The following MAGI2 variants were observed in gnomAD, a reference collection of about 807,000 sequenced individuals.
MAGI2 encodes membrane-associated guanylate kinase, WW and PDZ domain-containing protein 2.
In MAGI2, 35 loss-of-function variants were observed where a neutral mutation model predicts 133.3. The ratio of observed to expected loss-of-function variants is 0.26; its 90% CI spans 0.20 to 0.35. The LOEUF (loss-of-function observed/expected upper bound fraction) is 0.35. MAGI2 is among the 10% of genes least tolerant of loss of function. The probability of loss-of-function intolerance (pLI) is 1.00; values close to 1 mark genes in which losing one functional copy is unlikely to be tolerated. For synonymous variants in MAGI2, 729 were observed against 710.6 expected, an observed-to-expected ratio of 1.03 and a Z score of -0.41; for missense variants, 1,636 against 1,863.4, an observed-to-expected ratio of 0.88 and a Z score of 2.25.
intron 2 of MAGI2, among the ~76,000 whole-genome samples, chr7:78,805,807 G>A (rs376910896): frequency 9.2e-5 from 14 of 152,126 alleles, no homozygotes; most frequent in Admixed American, 3.9e-4. Flanking sequence ...GAACAGCAGG[G>A]AATGGAGGTC....
At chr7:79,236,597 T>C (rs1429248071) in intron 1 of MAGI2, among the ~76,000 whole-genome samples, 1 of 152,234 alleles carries the variant, frequency 6.6e-6, no homozygotes, top group East Asian at 1.9e-4. Context: ...TTTAATGTCT[T>C]TAGACCTCAT....
chr7:78,536,450 G>A (rs1330261406), intron 3 of MAGI2, among the ~76,000 whole-genome samples: 1 of 152,120 alleles, frequency 6.6e-6, no homozygotes, highest in Non-Finnish European at 1.5e-5. Flanking sequence ...GTCTTGATAA[G>A]TTGGCCTTGT....
chr7:78,676,855 C>T (rs10279670), intron 2 of MAGI2, among the ~76,000 whole-genome samples: 18,911 of 151,992 alleles, frequency 0.12, 1,442 homozygotes, highest in African/African-American at 0.2. Flanking sequence ...TATTTAATAG[C>T]TGCTTTCTTG....
chr7:79,206,032 A>G (rs1014309731), intron 1 of MAGI2, among the ~76,000 whole-genome samples: 8 of 151,672 alleles, frequency 5.3e-5, no homozygotes, highest in Admixed American at 6.6e-5. Flanking sequence ...GAGATATATG[A>G]AAATGGAAAC....
intron 1 of MAGI2, among the ~76,000 whole-genome samples, chr7:79,161,423 T>C (rs748621882): frequency 3.9e-5 from 6 of 152,056 alleles, no homozygotes; most frequent in Non-Finnish European, 8.8e-5. Context: ...ATGACTGAAC[T>C]AGAGAATTTC....
intron 3 of MAGI2, 51 bp from the exon 4 acceptor site, chr7:78,521,696 T>C: frequency 6.7e-7 from 1 of 1,495,096 alleles, no homozygotes; most frequent in East Asian, 2.3e-5. Context: ...TTCTACCATG[T>C]ACATAATTTG....
intron 15 of MAGI2, among the ~76,000 whole-genome samples, chr7:78,167,277 A>G (rs1285613246): frequency 6.6e-6 from 1 of 152,220 alleles, no homozygotes; most frequent in Non-Finnish European, 1.5e-5. Flanking sequence ...TGGTAAAGAG[A>G]GATAAGTGGA....
chr7:79,352,541 G>C (rs1173973737), intron 1 of MAGI2, among the ~76,000 whole-genome samples: 1 of 152,210 alleles, frequency 6.6e-6, no homozygotes, highest in African/African-American at 2.4e-5. Flanking sequence ...AGAAGCATGA[G>C]GGGGAAGGTG....
At chr7:78,753,405 C>T (rs1300172125) in intron 2 of MAGI2, among the ~76,000 whole-genome samples, 1 of 151,612 alleles carries the variant, frequency 6.6e-6, no homozygotes, top group Non-Finnish European at 1.5e-5. Flanking sequence ...TAATAAAAAC[C>T]ATCCAACTTT....
rs181908684 is a variant in MAGI2, at chr7:79,104,184, C to T, written c.302-96978G>A. On this transcript the variant is annotated intron_variant, in intron 1 of 21. Coordinates refer to ENST00000354212, the MANE Select transcript of MAGI2 (RefSeq NM_012301.4). ...AAGTAATCACACCTCAAGTAAGGAG[C>T]CCCCTGTCATACTTAAGCCAAATTA... Among the ~76,000 whole-genome samples the T allele has an allele frequency of 2.9e-3, 440 of 152,208 alleles. 2 individuals are homozygous for T. Among genetic ancestry groups the T allele is most frequent in the Non-Finnish European group, 5.2e-3 (354 of 68,016 alleles).
intron 1 of MAGI2, among the ~76,000 whole-genome samples, chr7:79,289,710 A>C (rs1836307328): frequency 6.6e-6 from 1 of 152,138 alleles, no homozygotes; most frequent in African/African-American, 2.4e-5. Context: ...TCTCGAGATA[A>C]TCTCACTAGA....
At chr7:78,532,216 A>C (rs985480271) in intron 3 of MAGI2, among the ~76,000 whole-genome samples, 4 of 152,234 alleles carry the variant, frequency 2.6e-5, no homozygotes, top group African/African-American at 9.6e-5. Flanking sequence ...AAAATTTTAA[A>C]GGATGCAAGG....
intron 1 of MAGI2, among the ~76,000 whole-genome samples, chr7:79,091,172 T>G (rs568643738): frequency 6.6e-6 from 1 of 152,222 alleles, no homozygotes; most frequent in South Asian, 2.1e-4. Context: ...TTCCAAGATT[T>G]TTCAGTGTTG....
At chr7:78,242,039 A>G (rs762681830) in intron 10 of MAGI2, among the ~76,000 whole-genome samples, 1 of 152,204 alleles carries the variant, frequency 6.6e-6, no homozygotes, top group Non-Finnish European at 1.5e-5. Flanking sequence ...AAGGAATAGC[A>G]AGGGCAGAAT....
At chr7:78,950,683 T>A (rs1279361395) in intron 2 of MAGI2, among the ~76,000 whole-genome samples, 2 of 152,190 alleles carry the variant, frequency 1.3e-5, no homozygotes, top group African/African-American at 4.8e-5. Flanking sequence ...CACAGCAGTC[T>A]TTATGAGAAA....
intron 1 of MAGI2, among the ~76,000 whole-genome samples, chr7:79,039,640 A>G (rs905706984): frequency 6.6e-6 from 1 of 151,538 alleles, no homozygotes; most frequent in African/African-American, 2.4e-5. Flanking sequence ...AAAATATATA[A>G]AGAACTCAAG....
chr7:78,052,434 G>A (rs1812111398), intron 21 of MAGI2, among the ~76,000 whole-genome samples: 1 of 152,144 alleles, frequency 6.6e-6, no homozygotes. Flanking sequence ...GCCGCCTGAA[G>A]CCCTCACCAG....
chr7:79,252,156 CA>C lies in MAGI2; in HGVS notation c.301+200863del, dbSNP rs1208897198. Among the ~76,000 whole-genome samples the C allele has an allele frequency of 3.7e-3, 382 of 102,556 alleles. 2 individuals carry two copies. The highest frequency in any genetic ancestry group is 0.034 in the Admixed American group (262 of 7,726). The allele number at this position is 102,556 out of a possible 152,430, so 67.3% of individuals were successfully genotyped here. A position where few individuals can be genotyped will look rare whatever the true frequency, so the allele number is the denominator to read the frequency against. Reference sequence around the variant, plus strand: ...TGTGGGTCAGAATGAGACCCTGTCTCAAAAAAAAAAAAAAAAAAAAAAGAAG... The same window carrying C: ...TGTGGGTCAGAATGAGACCCTGTCTCAAAAAAAAAAAAAAAAAAAAAGAAG... On this transcript the variant is annotated intron_variant, in intron 1 of 21. Transcript: ENST00000354212.
chr7:78,538,649 G>C (rs1283972911), intron 3 of MAGI2, among the ~76,000 whole-genome samples: 1 of 152,124 alleles, frequency 6.6e-6, no homozygotes, highest in Non-Finnish European at 1.5e-5. Context: ...CACCTTGGTT[G>C]CTGTTGGTGT....
Sources: gnomAD v4.1 joint callset for allele counts (sites outside exome capture counted in the v4.1 genomes callset) on GRCh38, gnomAD v4.1.1 for gene constraint, MANE v1.5 for transcripts, NCBI Gene and HGNC (gene_info 2026-07-23, HGNC 2026-07-21) for gene names.